The following SPAG9 variants were observed in gnomAD, a reference collection of about 807,000 sequenced individuals.
The protein encoded by SPAG9 is sperm associated antigen 9.
SPAG9 carries 35 observed loss-of-function variants against 166.5 expected under a neutral mutation model. The ratio of observed to expected loss-of-function variants is 0.21; its 90% confidence interval spans 0.16 to 0.28. SPAG9 has a LOEUF of 0.28. Ranked by LOEUF, SPAG9 falls within the 10% of genes least tolerant of loss-of-function variation. SPAG9 has a pLI of 1.00. For synonymous variants in SPAG9, 534 were observed against 565.5 expected (o/e 0.94, Z 0.79); for missense variants, 1,235 against 1,603.3 (o/e 0.77, Z 3.92).
Position 51,095,980 on chromosome 17 carries a change from TATATATATAGTG to T in SPAG9, c.304-16288_304-16277del, listed in dbSNP as rs1568083903. Among the ~76,000 whole-genome samples, 12 of 126,588 alleles carry T rather than the reference TATATATATAGTG, an allele frequency of 9.5e-5. 1 individual carries two copies. The highest frequency in any genetic ancestry group is 2.1e-4 in the African/African-American group (7 of 34,080). The allele number at this position is 126,588 out of a possible 152,430, so 83.0% of individuals were successfully genotyped here. Reference sequence around the variant, plus strand: ...AGTGATATATATATATAGTGATATATATATATATAGTGATATATATATAGTGATATATATATA... The same window carrying T: ...AGTGATATATATATATAGTGATATATATATATATATAGTGATATATATATA... On this transcript the variant is annotated intron_variant, in intron 1 of 29. Transcript: ENST00000262013.
At chr17:51,096,531 T>G (rs2048653338) in intron 1 of SPAG9, among the ~76,000 whole-genome samples, 1 of 152,166 alleles carries the variant, frequency 6.6e-6, no homozygotes, top group Admixed American at 6.6e-5. Context: ...TGTTACCTTA[T>G]CTAGTTAATT....
intron 8 of SPAG9, among the ~76,000 whole-genome samples, chr17:51,019,019 G>A (rs2045820262): frequency 6.6e-6 from 1 of 152,148 alleles, no homozygotes; most frequent in African/African-American, 2.4e-5. Flanking sequence ...GAGGTGATTA[G>A]GCCATAAGGG....
At position 50,990,641 on chromosome 17, in the gene SPAG9, C is replaced by T. The variant is rs1975464336; in HGVS notation, c.2426G>A (p.Gly809Glu). 6.2e-7 allele frequency: 1 copy of T among 1,613,980 alleles called. No homozygotes were observed. The highest frequency in any genetic ancestry group is 1.3e-5 in the African/African-American group (1 of 74,918). ...CTGACCAGATTCTGAAAGATCTTCTCCTGCAGGGTAGTCTGTTTCTCGTGC... is the reference window on the plus strand; with the variant it reads ...CTGACCAGATTCTGAAAGATCTTCTTCTGCAGGGTAGTCTGTTTCTCGTGC... ...PGARETDYPA[G>E]EDLSESGQVD... The change falls in exon 20 of 30, where the codon GGA becomes GAA. Residue 809 changes from glycine (G) to glutamate (E), a missense_variant. Gly to Glu is a moderately conservative substitution (Grantham distance 98, BLOSUM62 -2). Transcript: ENST00000262013.
intron 1 of SPAG9, chr17:51,085,270 T>G (rs1483632519): frequency 6.6e-6 from 1 of 152,266 alleles, no homozygotes; most frequent in African/African-American, 2.4e-5. Flanking sequence ...CTATTTTGCT[T>G]ATTTACAACT....
At chr17:51,116,864 G>C (rs529932978) in intron 1 of SPAG9, among the ~76,000 whole-genome samples, 3 of 152,324 alleles carry the variant, frequency 2.0e-5, no homozygotes, top group South Asian at 2.1e-4. Context: ...GGCTGAAAAA[G>C]TGAAATTGAA....
At chr17:51,047,316 G>T in intron 4 of SPAG9, 59 bp downstream of exon 4, 1 of 965,022 alleles carries the variant, frequency 1.0e-6, no homozygotes, top group Non-Finnish European at 1.6e-6. Context: ...GAGAAAAACA[G>T]AAACAAACAT....
intron 20 of SPAG9, 172 bp from the exon 21 acceptor site, chr17:50,990,044 T>C: frequency 1.5e-6 from 1 of 652,642 alleles, no homozygotes; most frequent in Non-Finnish European, 2.6e-6. Flanking sequence ...TTTTTTTTTT[T>C]TGAGACAGAG....
At position 50,966,376 on chromosome 17, in the gene SPAG9, C is replaced by T. The variant is rs1973364754; in HGVS notation, c.3862G>A (p.Gly1288Arg). The change falls in exon 30 of 30, where the codon GGA (glycine) becomes AGA (arginine). Residue 1288 changes from glycine (G) to arginine (R), a missense_variant. Physicochemically the swap from Gly to Arg is moderately radical, Grantham distance 125. This residue lies in a region of SPAG9 where 243 missense variants were observed against 358.6 expected (regional missense o/e 0.68). Transcript: ENST00000262013. Reference protein sequence around the residue: ...YIDFRMGDEGGESELLGEDLP... With the variant: ...YIDFRMGDEGRESELLGEDLP... ...TCCTCTCCAAGAAGTTCTGATTCTCCACCTTCATCACCTAGTGAATGATAA... is the reference window on the plus strand; with the variant it reads ...TCCTCTCCAAGAAGTTCTGATTCTCTACCTTCATCACCTAGTGAATGATAA... 25 of 1,593,832 alleles carry T rather than the reference C, an allele frequency of 1.6e-5. No individual in the cohort carries two copies. The highest frequency in any genetic ancestry group is 2.0e-5 in the Non-Finnish European group (23 of 1,161,570).
intron 6 of SPAG9, among the ~76,000 whole-genome samples, chr17:51,024,354 T>C (rs2046068336): frequency 6.6e-6 from 1 of 152,200 alleles, no homozygotes; most frequent in African/African-American, 2.4e-5. Context: ...TACAGTATAT[T>C]GTACATATTA....
At chr17:51,033,146 C>A (rs549208485) in intron 5 of SPAG9, among the ~76,000 whole-genome samples, 1 of 151,444 alleles carries the variant, frequency 6.6e-6, no homozygotes, top group East Asian at 1.9e-4. Flanking sequence ...ATATCTAGCA[C>A]GTCATACTTT....
chr17:50,992,888 G>A (rs1597932760), intron 19 of SPAG9, among the ~76,000 whole-genome samples: 1 of 151,868 alleles, frequency 6.6e-6, no homozygotes, highest in African/African-American at 2.4e-5. Flanking sequence ...CGAGGTCTAG[G>A]AGTTCGAGAC....
chr17:51,067,166 A>G (rs910359483), intron 2 of SPAG9, among the ~76,000 whole-genome samples: 2 of 152,218 alleles, frequency 1.3e-5, no homozygotes, highest in Admixed American at 1.3e-4. Flanking sequence ...CACATACACC[A>G]AGATCAAATA....
chr17:51,058,399 TGAAGCA>T (rs1477960612), intron 2 of SPAG9, among the ~76,000 whole-genome samples: 2 of 152,188 alleles, frequency 1.3e-5, no homozygotes, highest in Non-Finnish European at 2.9e-5. Context: ...ATGAGGAAAC[TGAAGCA>T]AATAGGAGCT....
At chr17:50,983,939 C>T (rs1443183022) in intron 24 of SPAG9, among the ~76,000 whole-genome samples, 1 of 152,092 alleles carries the variant, frequency 6.6e-6, no homozygotes, top group Non-Finnish European at 1.5e-5. Context: ...ACAAAAGCAC[C>T]TAACTGTCAT....
intron 13 of SPAG9, among the ~76,000 whole-genome samples, chr17:51,000,844 T>TA (rs1241955026): frequency 6.6e-6 from 1 of 152,208 alleles, no homozygotes; most frequent in Non-Finnish European, 1.5e-5. Context: ...CGATATCCAC[T>TA]AAATACTGCA....
intron 25 of SPAG9, among the ~76,000 whole-genome samples, chr17:50,981,731 A>C (rs1179976007): frequency 2.1e-4 from 31 of 147,312 alleles, no homozygotes; most frequent in Non-Finnish European, 1.4e-4. Flanking sequence ...AAAAAAAAAA[A>C]CCGTAAGAAA....
intron 5 of SPAG9, among the ~76,000 whole-genome samples, chr17:51,035,235 G>A (rs934271851): frequency 1.3e-5 from 2 of 152,114 alleles, no homozygotes; most frequent in East Asian, 1.9e-4. Context: ...GGTAAAACTC[G>A]AATACAGGTT....
chr17:51,041,448 T>G (rs761345464), intron 5 of SPAG9, 53 bp downstream of exon 5: 1 of 1,546,964 alleles, frequency 6.5e-7, no homozygotes, highest in Non-Finnish European at 8.8e-7. Flanking sequence ...TCAATTAGGA[T>G]AAGAAAGTTT....
intron 2 of SPAG9, among the ~76,000 whole-genome samples, chr17:51,062,744 CCAT>C (rs1201213556): frequency 6.6e-6 from 1 of 152,148 alleles, no homozygotes; most frequent in Non-Finnish European, 1.5e-5. Flanking sequence ...GCACCCACCA[CCAT>C]GCCTGGCTAA....
Sources: gnomAD v4.1 joint callset for allele counts (sites outside exome capture counted in the v4.1 genomes callset) on GRCh38, gnomAD v4.1.1 for gene constraint, gnomAD v4.1.1 regional missense constraint, MANE v1.5 for transcripts, NCBI Gene and HGNC (gene_info 2026-07-23, HGNC 2026-07-21) for gene names.